BAD: variants seen among roughly 807,000 people sequenced by gnomAD.
BAD encodes bcl2-associated agonist of cell death.
BAD carries 18 observed loss-of-function variants against 17.8 expected under a neutral mutation model. The ratio of observed to expected loss-of-function variants is 1.01; its 90% CI spans 0.70 to 1.50. The LOEUF is 1.50. BAD is among the 40% of genes most tolerant of loss of function. The pLI, the probability that BAD is intolerant of heterozygous loss-of-function variation, is 0.00. For missense variants in BAD, 294 were observed against 239.3 expected, an observed-to-expected ratio of 1.23 and a Z score of -1.51; for synonymous variants, 112 against 91.5, an observed-to-expected ratio of 1.22 and a Z score of -1.28.
At chr11:64,271,873 C>A (rs1264387144) in intron 2 of BAD, 70 bp from the exon 3 acceptor site, 120 of 1,242,912 alleles carry the variant, frequency 9.7e-5, no homozygotes. Context: ...CCTGCCTGAA[C>A]CCTCCCCATC....
In BAD at chr11:64,270,222, G is replaced by A. The variant is rs763492858; in HGVS notation, c.494C>T (p.Ala165Val). The A allele has an allele frequency of 3.7e-6, 6 of 1,613,302 alleles. 1 individual carries two copies. The South Asian group carries it at 5.5e-5, about 15-fold the overall frequency. Residue 165 changes from alanine (A) to valine (V), a missense_variant, in exon 4 of 4, where the codon GCC becomes GTC. Physicochemically the swap from Ala to Val is moderately conservative, Grantham distance 64. Coordinates refer to ENST00000309032, the MANE Select transcript of BAD (RefSeq NM_032989.3). ...WDRNLGRGSS[A>V]PSQ ...GTGGAGCGAAGGTCACTGGGAGGGGGCGGAGCTTCCCCTGCCCAAGTTCCG... is the reference window on the plus strand; with the variant it reads ...GTGGAGCGAAGGTCACTGGGAGGGGACGGAGCTTCCCCTGCCCAAGTTCCG...
chr11:64,278,446 C>G lies in BAD; in HGVS notation c.187+5736G>C, dbSNP rs548589357. ...CAATGGCAGTTCTAATAATAAGAGC[C>G]GCAAACACTTAGCCCCTCCTCTGCG... On this transcript the variant is annotated intron_variant, in intron 2 of 3. Coordinates refer to ENST00000309032, the MANE Select transcript of BAD (RefSeq NM_032989.3). Among the ~76,000 whole-genome samples the G allele has an allele frequency of 9.1e-4, 137 of 150,992 alleles. 4 individuals carry two copies. In the South Asian group the frequency reaches 0.026, roughly 28 times the overall value.
chr11:64,279,148 A>C (rs1011846680), intron 2 of BAD, among the ~76,000 whole-genome samples: 4 of 151,002 alleles, frequency 2.6e-5, no homozygotes, highest in African/African-American at 9.8e-5. Flanking sequence ...ATCTTGTCCC[A>C]CTCTCCCCTC....
chr11:64,283,642 G>A (rs2033632604), intron 2 of BAD, among the ~76,000 whole-genome samples: 1 of 152,238 alleles, frequency 6.6e-6, no homozygotes, highest in African/African-American at 2.4e-5. Context: ...GGGAAAGCAT[G>A]TAGCCTGGGG....
In BAD at chr11:64,276,314, G is replaced by GTGTGTGTGTATATA. The variant is rs755265862; in HGVS notation, c.188-4512_188-4511insTATATACACACACA. The GTGTGTGTGTATATA allele has an allele frequency of 5.4e-5, 8 of 148,492 alleles. No homozygotes were observed. The East Asian group carries it at 1.2e-3, about 22-fold the overall frequency. The allele number at this position is 148,492 out of a possible 1,614,324, so 9.2% of individuals were successfully genotyped here. A position where few individuals can be genotyped will look rare whatever the true frequency, so the allele number is the denominator to read the frequency against. ...TGTATATATTTGTGTGTGTGTGTGT[G>GTGTGTGTGTATATA]TATATATATATATATGTATTTTTTT... is the stretch of plus-strand genomic sequence containing the variant. On this transcript the variant is annotated intron_variant, in intron 2 of 3. Transcript: ENST00000309032.
chr11:64,273,855 C>CAG (rs2032829210), intron 2 of BAD, among the ~76,000 whole-genome samples: 1 of 54,820 alleles, frequency 1.8e-5, no homozygotes, highest in Non-Finnish European at 3.1e-5. Context: ...GCACCCATCT[C>CAG]AAAAAAAAAA....
At chr11:64,282,377 G>GGATTGCTTGGGCCCAGGAATTC (rs2033536057) in intron 2 of BAD, among the ~76,000 whole-genome samples, 1 of 151,922 alleles carries the variant, frequency 6.6e-6, no homozygotes, top group Non-Finnish European at 1.5e-5. Context: ...CAAGGTGAGA[G>GGATTGCTTGGGCCCAGGAATTC]GATTGCTTGG....
At chr11:64,272,136 T>G (rs2032678072) in intron 2 of BAD, among the ~76,000 whole-genome samples, 1 of 152,114 alleles carries the variant, frequency 6.6e-6, no homozygotes, top group Non-Finnish European at 1.5e-5. Flanking sequence ...CTGGCCAACA[T>G]GGTGAAACCC....
chr11:64,279,385 A>G (rs980313940), intron 2 of BAD, among the ~76,000 whole-genome samples: 2 of 152,070 alleles, frequency 1.3e-5, no homozygotes, highest in African/African-American at 4.8e-5. Context: ...CCCTAACTGG[A>G]CTGAGACAAG....
chr11:64,280,543 G>A (rs2033397005), intron 2 of BAD, among the ~76,000 whole-genome samples: 1 of 149,636 alleles, frequency 6.7e-6, no homozygotes, highest in Admixed American at 6.6e-5. Context: ...AGTAGAGACG[G>A]GGTTTCACCG....
intron 2 of BAD, among the ~76,000 whole-genome samples, chr11:64,282,721 T>C (rs1448073827): frequency 6.7e-6 from 1 of 150,032 alleles, no homozygotes; most frequent in Non-Finnish European, 1.5e-5. Context: ...CTAATAAAAA[T>C]ACAAGAAATT....
At chr11:64,276,331 TA>T (rs1195187187) in intron 2 of BAD, 84 of 152,034 alleles carry the variant, frequency 5.5e-4, no homozygotes, top group African/African-American at 1.9e-3. Flanking sequence ...TATATATATG[TA>T]TTTTTTTTTT....
chr11:64,271,562 G>C (rs2032609315), intron 3 of BAD, 51 bp downstream of exon 3: 2 of 1,362,270 alleles, frequency 1.5e-6, no homozygotes, highest in Middle Eastern at 2.1e-4. Context: ...ACAGACCGGC[G>C]GGGGGCGGCC....
At chr11:64,276,768 C>T (rs2033096842) in intron 2 of BAD, 2 of 602,900 alleles carry the variant, frequency 3.3e-6, no homozygotes, top group Middle Eastern at 4.3e-4. Flanking sequence ...GGGTGTGGCT[C>T]CTCCTTGGGT....
chr11:64,284,661 G>C lies in BAD; in HGVS notation c.-39C>G. ...GCCCGATCTCGAGGCCCCTGACCCG[G>C]GCCTGCCGCCTCCCTCCAGCACCCC... On this transcript the variant is annotated 5_prime_UTR_variant, in exon 1 of 4. Transcript: ENST00000309032. 6.5e-7 allele frequency: 1 copy of C among 1,534,760 alleles called. No individual in the cohort carries two copies. The highest frequency in any genetic ancestry group is 8.7e-7 in the Non-Finnish European group (1 of 1,146,224).
rs1016363315 is a variant in BAD at position 64,276,821 on chromosome 11, C to G, written c.188-5018G>C. The G allele has an allele frequency of 5.9e-6, 4 of 679,518 alleles. No individual in the cohort carries two copies. In the Admixed American group the frequency reaches 8.5e-5, roughly 14 times the overall value. The allele number at this position is 679,518 out of a possible 1,614,324, so 42.1% of individuals were successfully genotyped here. On this transcript the variant is annotated intron_variant, in intron 2 of 3. Coordinates refer to ENST00000309032, the MANE Select transcript of BAD (RefSeq NM_032989.3). ...CCCAGGCCTGCCCACTCTTGCCATC[C>G]GCCTAGAGCCTGGCCCGGAGCTGGG...
chr11:64,278,298 G>A (rs2033202073), intron 2 of BAD, among the ~76,000 whole-genome samples: 1 of 151,610 alleles, frequency 6.6e-6, no homozygotes, highest in African/African-American at 2.4e-5. Context: ...GGGAGGTAGA[G>A]GTTGCTGCGA....
intron 2 of BAD, among the ~76,000 whole-genome samples, chr11:64,280,568 G>A (rs2033399139): frequency 6.7e-6 from 1 of 150,308 alleles, no homozygotes; most frequent in African/African-American, 2.4e-5. Flanking sequence ...AGCCAGGATG[G>A]TCTTGATCTC....
chr11:64,281,969 T>C (rs1268620725), intron 2 of BAD, among the ~76,000 whole-genome samples: 1 of 152,208 alleles, frequency 6.6e-6, no homozygotes, highest in African/African-American at 2.4e-5. Context: ...TACGCCCACC[T>C]AGGCCTCCCA....
Sources: allele counts gnomAD v4.1 joint callset (sites outside exome capture counted in the v4.1 genomes callset), GRCh38; gene constraint gnomAD v4.1.1; transcripts MANE v1.5; gene names NCBI Gene and HGNC (gene_info 2026-07-23, HGNC 2026-07-21).